POU1F1: variants seen among roughly 807,000 people sequenced by gnomAD.
POU1F1 encodes POU class 1 homeobox 1, also known as pituitary-specific positive transcription factor 1.
In POU1F1, 23 loss-of-function variants were observed where a neutral mutation model predicts 32.3. The ratio of observed to expected loss-of-function variants is 0.71; its 90% CI spans 0.51 to 1.01. The LOEUF is 1.01. Ranked by LOEUF, POU1F1 falls within the 50% of genes least tolerant of loss-of-function variation. The pLI is 0.00. For missense variants in POU1F1, 323 were observed against 341.6 expected (o/e 0.95, Z 0.43); for synonymous variants, 120 against 115.6 (o/e 1.04, Z -0.25).
chr3:87,272,367 A>T (rs964245022), intron 2 of POU1F1, among the ~76,000 whole-genome samples: 2 of 152,178 alleles, frequency 1.3e-5, no homozygotes, highest in African/African-American at 4.8e-5. Context: ...GGTTAGTTAC[A>T]TATGTATACA....
At chr3:87,273,204 CAAG>C in intron 2 of POU1F1, 140 bp downstream of exon 2, 1 of 907,058 alleles carries the variant, frequency 1.1e-6, no homozygotes, top group Non-Finnish European at 1.7e-6. Flanking sequence ...GAGCAGGAAA[CAAG>C]AAGTGGTGAT....
chr3:87,272,608 T>C (rs1706748473), intron 2 of POU1F1, among the ~76,000 whole-genome samples: 1 of 152,202 alleles, frequency 6.6e-6, no homozygotes, highest in South Asian at 2.1e-4. Flanking sequence ...TGTGCTTCAA[T>C]GCCTTTATAG....
chr3:87,262,192 A>G lies in POU1F1; in HGVS notation c.483T>C (p.His161=), dbSNP rs35677731. 1.2e-4 allele frequency: 196 copies of G among 1,614,194 alleles called. No individual in the cohort carries two copies. The African/African-American group carries it at 2.3e-3, about 19-fold the overall frequency. Residue 161 remains histidine (H), a synonymous_variant, in exon 4 of 6, where the codon CAT becomes CAC. Transcript: ENST00000350375. ...TNVGEALAAV[H]GSEFSQTTIC... Reference sequence around the variant, plus strand: ...TTGTTGTTTGACTGAATTCAGAGCCATGCACAGCTGCCAGGGCCTCCCCAA... The same window carrying G: ...TTGTTGTTTGACTGAATTCAGAGCCGTGCACAGCTGCCAGGGCCTCCCCAA...
intron 2 of POU1F1, among the ~76,000 whole-genome samples, chr3:87,268,084 CTTTTTTTTTTT>C (rs11387958): frequency 1.7e-5 from 2 of 116,468 alleles, no homozygotes; most frequent in Non-Finnish European, 1.7e-5. Context: ...TTCCCTTTCC[CTTTTTTTTTTT>C]TTTTTTTTTT....
intron 2 of POU1F1, among the ~76,000 whole-genome samples, chr3:87,272,399 AC>A: frequency 6.6e-6 from 1 of 152,328 alleles, no homozygotes; most frequent in East Asian, 1.9e-4. Flanking sequence ...GGTGCGCTGC[AC>A]CCATTAACTT....
rs1706470340 is a variant in POU1F1, at chr3:87,259,756, A to ATTT, written c.*137_*138insAAA. 1 of 720,618 alleles carries ATTT rather than the reference A, an allele frequency of 1.4e-6. No homozygotes were observed. The highest frequency in any genetic ancestry group is 1.8e-5 in the African/African-American group (1 of 55,322). The allele number at this position is 720,618 out of a possible 1,614,324, so 44.6% of individuals were successfully genotyped here. ...TTAAATTGTTGGTTTCTTTTTTTTAAAAAAAAGTGGAAAAGTAAAGCTTCT... is the reference window on the plus strand; with the variant it reads ...TTAAATTGTTGGTTTCTTTTTTTTAATTTAAAAAAGTGGAAAAGTAAAGCTTCT... On this transcript the variant is annotated 3_prime_UTR_variant, in exon 6 of 6. Transcript: ENST00000350375.
At chr3:87,273,486 A>C in intron 1 of POU1F1, 68 bp from the exon 2 acceptor site, 1 of 1,604,206 alleles carries the variant, frequency 6.2e-7, no homozygotes, top group African/African-American at 1.3e-5. Flanking sequence ...TCAAAGACAA[A>C]ATAGATGGGA....
intron 2 of POU1F1, among the ~76,000 whole-genome samples, chr3:87,273,019 G>C (rs1392387500): frequency 6.6e-6 from 1 of 152,076 alleles, no homozygotes; most frequent in African/African-American, 2.4e-5. Flanking sequence ...GTGTCTAGTA[G>C]CTACTATATT....
At chr3:87,266,386 A>AAAATATGTAATTAG (rs1706623250) in intron 2 of POU1F1, among the ~76,000 whole-genome samples, 1 of 147,662 alleles carries the variant, frequency 6.8e-6, no homozygotes, top group East Asian at 1.9e-4. Context: ...AATTTATATA[A>AAAATATGTAATTAG]AAATATGTAA....
chr3:87,259,650 ATTACTGTT>A lies in POU1F1; in HGVS notation c.*236_*243del. 2.7e-5 allele frequency: 13 copies of A among 477,212 alleles called. No individual in the cohort carries two copies. The highest frequency in any genetic ancestry group is 1.4e-4 in the Admixed American group (4 of 28,034). 29.6% of individuals were successfully genotyped at this position (477,212 alleles called of 1,614,324 possible). A position where few individuals can be genotyped will look rare whatever the true frequency, so the allele number is the denominator to read the frequency against. On this transcript the variant is annotated 3_prime_UTR_variant, in exon 6 of 6. Coordinates refer to ENST00000350375, the MANE Select transcript of POU1F1 (RefSeq NM_000306.4). ...GCGGGAGAGACAGAGAGATCATTTT[ATTACTGTT>A]AATATATTTGGCTTAAAATAGATAA...
chr3:87,261,190 T>A, intron 5 of POU1F1, 83 bp downstream of exon 5: 3 of 1,037,744 alleles, frequency 2.9e-6, no homozygotes. Flanking sequence ...ATATGTTATG[T>A]TACACCTGCA....
Position 87,259,996 on chromosome 3 carries a change from TA to T in POU1F1, c.773del (p.Val258GlufsTer15). The T allele has an allele frequency of 6.2e-7, 1 of 1,614,128 alleles. No individual in the cohort carries two copies. Among genetic ancestry groups the T allele is most frequent in the Non-Finnish European group, 8.5e-7 (1 of 1,180,006 alleles). ...GCCTCCGGTTGCAAAACCAAACTCTTACTACTTCTTTCTCCAGATTCAGTTC... is the reference window on the plus strand; with the variant it reads ...GCCTCCGGTTGCAAAACCAAACTCTTCTACTTCTTTCTCCAGATTCAGTTC... ...AEELNLEKEV[V>X]RVWFCNRRQR... On this transcript the variant is annotated frameshift_variant, in exon 6 of 6. Coordinates refer to ENST00000350375, the MANE Select transcript of POU1F1 (RefSeq NM_000306.4). LOFTEE classifies it high-confidence loss of function.
At chr3:87,271,194 G>C (rs752536139) in intron 2 of POU1F1, among the ~76,000 whole-genome samples, 5 of 152,132 alleles carry the variant, frequency 3.3e-5, no homozygotes, top group Non-Finnish European at 5.9e-5. Flanking sequence ...GTTCGTGGAA[G>C]AGGGTTTGCT....
Position 87,276,529 on chromosome 3 carries a change from G to A in POU1F1, c.-67C>T. The A allele has an allele frequency of 6.4e-7, 1 of 1,553,504 alleles. No homozygotes were observed. The highest frequency in any genetic ancestry group is 8.8e-7 in the Non-Finnish European group (1 of 1,140,222). On this transcript the variant is annotated 5_prime_UTR_variant, in exon 1 of 6. Transcript: ENST00000350375. ...CAAATCAGAGTTTTATTATATTACT[G>A]TCTCAAAGGGCCGATTCAATTCTCA...
chr3:87,275,652 T>C (rs1265010743), intron 1 of POU1F1, among the ~76,000 whole-genome samples: 2 of 152,130 alleles, frequency 1.3e-5, no homozygotes, highest in Non-Finnish European at 2.9e-5. Context: ...AATTCTTAGG[T>C]TTAATTTTTG....
chr3:87,273,346 C>A lies in POU1F1; in HGVS notation c.214+1G>T. 6.2e-7 allele frequency: 1 copy of A among 1,611,598 alleles called. No individual in the cohort carries two copies. Reference sequence around the variant, plus strand: ...AACATGTAAAAGACAACTTTTCTTACCTGCCATCACTCCATAGGTTGATGG... The same window carrying A: ...AACATGTAAAAGACAACTTTTCTTAACTGCCATCACTCCATAGGTTGATGG... On this transcript the variant is annotated splice_donor_variant, in intron 2 of 5. Transcript: ENST00000350375. LOFTEE classifies it high-confidence loss of function.
At chr3:87,272,688 A>G (rs1706749523) in intron 2 of POU1F1, among the ~76,000 whole-genome samples, 1 of 152,172 alleles carries the variant, frequency 6.6e-6, no homozygotes. Context: ...AAAAGTATGT[A>G]ACTTCAATGA....
intron 2 of POU1F1, among the ~76,000 whole-genome samples, chr3:87,264,738 G>A (rs1234206909): frequency 6.6e-6 from 1 of 152,022 alleles, no homozygotes; most frequent in African/African-American, 2.4e-5. Flanking sequence ...CAAAGATAGG[G>A]TTAAAGGAAA....
At chr3:87,274,178 A>T (rs1157247291) in intron 1 of POU1F1, among the ~76,000 whole-genome samples, 1 of 152,156 alleles carries the variant, frequency 6.6e-6, no homozygotes, top group East Asian at 1.9e-4. Context: ...ATAAAGCCAT[A>T]AAGCCGTACA....
Sources: gnomAD v4.1 joint callset for allele counts (sites outside exome capture counted in the v4.1 genomes callset) on GRCh38, gnomAD v4.1.1 for gene constraint, MANE v1.5 for transcripts, NCBI Gene and HGNC (gene_info 2026-07-23, HGNC 2026-07-21) for gene names.